The following KIR3DL1 variants were observed in gnomAD, a reference collection of about 807,000 sequenced individuals.
KIR3DL1 encodes killer cell immunoglobulin like receptor, three Ig domains and long cytoplasmic tail 1, also known as killer cell immunoglobulin-like receptor 3DL1.
Under a neutral mutation model 40.3 loss-of-function variants are expected in KIR3DL1, and 50 were observed. The ratio of observed to expected loss-of-function variants is 1.24; its 90% CI spans 0.99 to 1.57. The LOEUF is 1.57. Ranked by LOEUF, KIR3DL1 falls within the 40% of genes most tolerant of loss-of-function variation. KIR3DL1 has a pLI of 0.00. For synonymous variants in KIR3DL1, 257 were observed against 207.2 expected (o/e 1.24, Z -2.07); for missense variants, 661 against 559.9 (o/e 1.18, Z -1.82).
rs758317602 is a variant in KIR3DL1, at chr19:54,819,764, C to A, written c.407C>A (p.Ser136Ter). Residue 136 changes from serine (S) to a stop codon, truncating the protein, a stop_gained, in exon 4 of 9, where the codon TCA becomes TAA. Transcript: ENST00000391728. LOFTEE classifies it high-confidence loss of function. Reference sequence around the variant, plus strand: ...GCCCACCCAGGTCCCCTGGTGAAATCAGGAGAGAGAGTCATCCTGCAATGT... The same window carrying A: ...GCCCACCCAGGTCCCCTGGTGAAATAAGGAGAGAGAGTCATCCTGCAATGT... The A allele has an allele frequency of 1.2e-5, 19 of 1,610,584 alleles. 1 individual carries two copies. Among genetic ancestry groups the A allele is most frequent in the Non-Finnish European group, 8.5e-6 (10 of 1,178,602 alleles).
rs1156938029 is a variant in KIR3DL1, at chr19:54,822,944, T to C, written c.949+1086T>C. ...TGTGAACAGTGCTGGAACAGTCATA[T>C]GAGTGCAGATATCACTTCGATACAC... On this transcript the variant is annotated intron_variant, in intron 5 of 8. Coordinates refer to ENST00000391728, the Ensembl canonical transcript of KIR3DL1. Among the ~76,000 whole-genome samples the C allele has an allele frequency of 1.3e-5, 2 of 148,558 alleles. 1 individual carries two copies. Among genetic ancestry groups the C allele is most frequent in the African/African-American group, 5.0e-5 (2 of 39,910 alleles).
chr19:54,828,683 C>T, intron 6 of KIR3DL1, among the ~76,000 whole-genome samples: 1 of 149,566 alleles, frequency 6.7e-6, no homozygotes, highest in Non-Finnish European at 1.5e-5. Context: ...GAAGACAGCC[C>T]AGGCTGTTCT....
chr19:54,818,718 G>C lies in KIR3DL1; in HGVS notation c.355+119G>C, dbSNP rs1233340062. 3 of 1,342,788 alleles carry C rather than the reference G, an allele frequency of 2.2e-6. 1 individual carries two copies. Among genetic ancestry groups the C allele is most frequent in the South Asian group, 2.9e-5 (2 of 69,958 alleles). The allele number at this position is 1,342,788 out of a possible 1,614,324, so 83.2% of individuals were successfully genotyped here. A position where few individuals can be genotyped will look rare whatever the true frequency, so the allele number is the denominator to read the frequency against. On this transcript the variant is annotated intron_variant, in intron 3 of 8. Coordinates refer to ENST00000391728, the Ensembl canonical transcript of KIR3DL1. ...CCTGACTGTATTTGGGGTCAAGGGA[G>C]ATTGAATACAGGGGAAATGGGTGCT...
chr19:54,818,214 A>G (rs1674681351), intron 2 of KIR3DL1, 101 bp from the exon 3 acceptor site: 3 of 1,315,396 alleles, frequency 2.3e-6, no homozygotes, highest in Non-Finnish European at 3.2e-6. Flanking sequence ...CAGGTGTGGT[A>G]GGAGCCTTAG....
chr19:54,824,672 T>TCA (rs1226127983), intron 5 of KIR3DL1, among the ~76,000 whole-genome samples: 4 of 144,708 alleles, frequency 2.8e-5, no homozygotes, highest in Admixed American at 7.0e-5. Context: ...CAAGATTCTA[T>TCA]CACACACACA....
chr19:54,830,430 C>T lies in KIR3DL1; in HGVS notation c.*155C>T. On this transcript the variant is annotated 3_prime_UTR_variant, in exon 9 of 9. Coordinates refer to ENST00000391728, the Ensembl canonical transcript of KIR3DL1. ...TCCTCACGCCACAAATCTGGTGCCT[C>T]TCTCTTGCTTACAAATGTCTAGGTC... 2.1e-6 allele frequency: 2 copies of T among 949,508 alleles called. 1 individual carries two copies. Among genetic ancestry groups the T allele is most frequent in the Non-Finnish European group, 3.2e-6 (2 of 626,782 alleles). 58.8% of individuals were successfully genotyped at this position (949,508 alleles called of 1,614,324 possible). A position where few individuals can be genotyped will look rare whatever the true frequency, so the allele number is the denominator to read the frequency against.
intron 5 of KIR3DL1, among the ~76,000 whole-genome samples, chr19:54,824,254 G>T (rs1313485277): frequency 1.3e-5 from 2 of 151,420 alleles, no homozygotes; most frequent in Non-Finnish European, 2.9e-5. Flanking sequence ...ATTTTCATTT[G>T]ATTTTTGTGT....
At chr19:54,830,123 G>A in exon 9 of KIR3DL1, 1 of 1,524,076 alleles carries the variant, frequency 6.6e-7, no homozygotes, top group Non-Finnish European at 8.9e-7. Context: ...AGACCCTGAG[G>A]AGGTGACATA....
At position 54,829,591 on chromosome 19, in the gene KIR3DL1, G is replaced by T. The variant is rs1371173132; in HGVS notation, c.1105+126G>T. 3.5e-6 allele frequency: 3 copies of T among 865,188 alleles called. No homozygotes were observed. The East Asian group carries it at 8.1e-5, about 23-fold the overall frequency. The allele number at this position is 865,188 out of a possible 1,614,324, so 53.6% of individuals were successfully genotyped here. ...CCCAAGACAGGAGCCACAGAGGCAG[G>T]ACTTTCTAGAGAGAGCACCAGACTC... On this transcript the variant is annotated intron_variant, in intron 7 of 8. Coordinates refer to ENST00000391728, the Ensembl canonical transcript of KIR3DL1.
rs753181594 is a variant in KIR3DL1, at chr19:54,829,514, G to C, written c.1105+49G>C. 4 of 1,341,278 alleles carry C rather than the reference G, an allele frequency of 3.0e-6. 1 individual carries two copies. Among genetic ancestry groups the C allele is most frequent in the Non-Finnish European group, 4.1e-6 (4 of 973,288 alleles). 83.1% of individuals were successfully genotyped at this position (1,341,278 alleles called of 1,614,324 possible). A position where few individuals can be genotyped will look rare whatever the true frequency, so the allele number is the denominator to read the frequency against. On this transcript the variant is annotated intron_variant, in intron 7 of 8. Transcript: ENST00000391728. Reference sequence around the variant, plus strand: ...AGAGAGCTCAGGGCCATGTGGGGAAGCAGGATGGGAGCACACAGCTGTGTG... The same window carrying C: ...AGAGAGCTCAGGGCCATGTGGGGAACCAGGATGGGAGCACACAGCTGTGTG...
In KIR3DL1 at chr19:54,829,777, T is replaced by C. The variant is rs1461962300; in HGVS notation, c.1106-151T>C. On this transcript the variant is annotated intron_variant, in intron 7 of 8. Transcript: ENST00000391728. ...CAGAGCTATTCATGGGATGGGTCCT[T>C]GAGCTCAGAGAGATAGAATGTCTGA... 1.9e-5 allele frequency: 14 copies of C among 747,986 alleles called. 1 individual carries two copies. The highest frequency in any genetic ancestry group is 5.5e-5 in the Admixed American group (2 of 36,218). 46.3% of individuals were successfully genotyped at this position (747,986 alleles called of 1,614,324 possible).
intron 5 of KIR3DL1, among the ~76,000 whole-genome samples, chr19:54,823,781 C>A (rs1436838313): frequency 1.3e-5 from 2 of 151,528 alleles, no homozygotes; most frequent in Non-Finnish European, 2.9e-5. Flanking sequence ...CGTGAGCCAC[C>A]GGCCTAAAAG....
chr19:54,820,062 T>G, intron 4 of KIR3DL1, 50 bp downstream of exon 4: 1 of 1,578,036 alleles, frequency 6.3e-7, no homozygotes. Flanking sequence ...ACAGAGTGAA[T>G]GATCCAGGAC....
In KIR3DL1 at chr19:54,828,359, C is replaced by A. The variant is rs374039451; in HGVS notation, c.1001-1002C>A. Among the ~76,000 whole-genome samples, 8 of 151,474 alleles carry A rather than the reference C, an allele frequency of 5.3e-5. No individual in the cohort carries two copies. The South Asian group carries it at 1.0e-3, about 20-fold the overall frequency. ...GTCTTCCCAGAGAAGACTCTAAACA[C>A]CTCCTGGACTGCACCTGGGCCTATG... On this transcript the variant is annotated intron_variant, in intron 6 of 8. Coordinates refer to ENST00000391728, the Ensembl canonical transcript of KIR3DL1.
At position 54,827,740 on chromosome 19, in the gene KIR3DL1, A is replaced by G. The variant is rs1294576439; in HGVS notation, c.1001-1621A>G. Among the ~76,000 whole-genome samples, 4 of 150,918 alleles carry G rather than the reference A, an allele frequency of 2.7e-5. 1 individual carries two copies. Among genetic ancestry groups the G allele is most frequent in the Non-Finnish European group, 5.9e-5 (4 of 67,972 alleles). On this transcript the variant is annotated intron_variant, in intron 6 of 8. Transcript: ENST00000391728. ...TCTTTGATCCTTTATCTTATCCATT[A>G]GGCAATCAGCCTAAAACCTCTTCCG...
In KIR3DL1 at chr19:54,821,085, T is replaced by C. The variant is rs1022962992; in HGVS notation, c.656-480T>C. Reference sequence around the variant, plus strand: ...GACAGAGAGGCAGACAGAGAGGTAATAGAGAGAGAGATAGATGATACATAT... The same window carrying C: ...GACAGAGAGGCAGACAGAGAGGTAACAGAGAGAGAGATAGATGATACATAT... On this transcript the variant is annotated intron_variant, in intron 4 of 8. Transcript: ENST00000391728. Among the ~76,000 whole-genome samples, 24 of 149,128 alleles carry C rather than the reference T, an allele frequency of 1.6e-4. 1 individual carries two copies. Among genetic ancestry groups the C allele is most frequent in the Non-Finnish European group, 1.8e-4 (12 of 67,352 alleles).
chr19:54,817,197 A>G (rs1316731650), intron 1 of KIR3DL1, among the ~76,000 whole-genome samples: 1 of 142,988 alleles, frequency 7.0e-6, no homozygotes, highest in Non-Finnish European at 1.5e-5. Flanking sequence ...GAGTGGATAT[A>G]TGAGCCTGGA....
intron 6 of KIR3DL1, among the ~76,000 whole-genome samples, chr19:54,828,725 G>T (rs1275205141): frequency 6.8e-6 from 1 of 148,018 alleles, no homozygotes; most frequent in Non-Finnish European, 1.5e-5. Context: ...GGACTTTGCT[G>T]TCTTAGTCCA....
At chr19:54,829,596 T>C in intron 7 of KIR3DL1, 131 bp downstream of exon 7, 2 of 834,514 alleles carry the variant, frequency 2.4e-6, no homozygotes. Context: ...GGCAGGACTT[T>C]CTAGAGAGAG....
Sources: gnomAD v4.1 joint callset for allele counts (sites outside exome capture counted in the v4.1 genomes callset) on GRCh38, gnomAD v4.1.1 for gene constraint, MANE v1.5 for transcripts, NCBI Gene and HGNC (gene_info 2026-07-23, HGNC 2026-07-21) for gene names.